The following ITPR1 variants were observed in gnomAD, a reference collection of about 807,000 sequenced individuals.
ITPR1 encodes the protein inositol 1,4,5-trisphosphate-gated calcium channel ITPR1.
Under a neutral mutation model 318.4 loss-of-function variants are expected in ITPR1, and 96 were observed. That is an observed-to-expected ratio of 0.30 (90% CI 0.26 to 0.36). The LOEUF is 0.36. Among genes scored for constraint, ITPR1 ranks in the 10% least tolerant of loss-of-function variants. The pLI, the probability that ITPR1 is intolerant of heterozygous loss-of-function variation, is 1.00. For missense variants in ITPR1, 2,440 were observed against 3,460.2 expected, an observed-to-expected ratio of 0.71 and a Z score of 7.40; for synonymous variants, 1,312 against 1,289.9, an observed-to-expected ratio of 1.02 and a Z score of -0.37.
chr3:4,700,346 A>C (rs7652028), intron 35 of ITPR1, among the ~76,000 whole-genome samples: 2 of 152,064 alleles, frequency 1.3e-5, no homozygotes, highest in Non-Finnish European at 2.9e-5. Flanking sequence ...TATGCCTTAC[A>C]TGCATGGTCA....
chr3:4,842,609 C>G (rs775947719), intron 61 of ITPR1, among the ~76,000 whole-genome samples: 11 of 152,210 alleles, frequency 7.2e-5, no homozygotes, highest in Non-Finnish European at 1.5e-4. Context: ...CTCAAGTGAT[C>G]TGCCTCCCAA....
chr3:4,812,794 A>G (rs2049025118), intron 56 of ITPR1, among the ~76,000 whole-genome samples: 1 of 152,190 alleles, frequency 6.6e-6, no homozygotes, highest in African/African-American at 2.4e-5. Context: ...TTGGATTTCT[A>G]TTAATGCCTG....
chr3:4,587,461 G>A (rs554006041), intron 4 of ITPR1, among the ~76,000 whole-genome samples: 1 of 152,212 alleles, frequency 6.6e-6, no homozygotes, highest in South Asian at 2.1e-4. Context: ...AGTAGAGACA[G>A]GGTTTCACCA....
intron 37 of ITPR1, among the ~76,000 whole-genome samples, chr3:4,708,695 C>T (rs1023555879): frequency 5.9e-5 from 9 of 152,168 alleles, no homozygotes; most frequent in African/African-American, 1.7e-4. Context: ...AAATGAAACG[C>T]GTAGGTGGGC....
At chr3:4,814,626 A>G in intron 58 of ITPR1, 64 bp downstream of exon 58, 1 of 1,411,360 alleles carries the variant, frequency 7.1e-7, no homozygotes, top group African/African-American at 1.4e-5. Context: ...TGGGAGCACC[A>G]TGCAGCGGTG....
At chr3:4,520,900 C>T in intron 3 of ITPR1, 124 bp from the exon 4 acceptor site, 1 of 736,334 alleles carries the variant, frequency 1.4e-6, no homozygotes, top group Non-Finnish European at 2.4e-6. Context: ...TAAAGAGTTC[C>T]TGGCAGGAGA....
rs1559682389 is a variant in ITPR1 at position 4,681,410 on chromosome 3, T to C, written c.3153T>C (p.Phe1051=). Residue 1051 remains phenylalanine, a synonymous_variant, in exon 26 of 62, where the codon TTT becomes TTC. Coordinates refer to ENST00000649015, the MANE Select transcript of ITPR1 (RefSeq NM_001378452.1). ...EHIEEQAEGI[F]GGSEENTPLD... ...TTGAAGAACAAGCAGAAGGCATCTT[T>C]GGAGGAAGGAAAGTATATTTTCAGT... is the stretch of plus-strand genomic sequence containing the variant. 1.2e-6 allele frequency: 2 copies of C among 1,611,520 alleles called. No individual in the cohort carries two copies. Among genetic ancestry groups the C allele is most frequent in the Non-Finnish European group, 1.7e-6 (2 of 1,177,888 alleles).
Position 4,652,125 on chromosome 3 carries a change from G to T in ITPR1, c.858G>T (p.Val286=), listed in dbSNP as rs2093610546. The T allele has an allele frequency of 1.2e-6, 2 of 1,610,478 alleles. No homozygotes were observed. Among genetic ancestry groups the T allele is most frequent in the Non-Finnish European group, 1.7e-6 (2 of 1,178,166 alleles). ...TSSKALWEVE[V]VQHDPCRGGA... Reference sequence around the variant, plus strand: ...ACTCCTGTTGATCATTCTTGCAGGTGGTCCAGCATGACCCATGTCGGGGCG... The same window carrying T: ...ACTCCTGTTGATCATTCTTGCAGGTTGTCCAGCATGACCCATGTCGGGGCG... The change falls in exon 11 of 62, where the codon GTG becomes GTT. Residue 286 remains valine (V), a splice_region_variant and synonymous_variant. Transcript: ENST00000649015.
chr3:4,632,569 T>C (rs2093046780), intron 5 of ITPR1, among the ~76,000 whole-genome samples: 1 of 152,214 alleles, frequency 6.6e-6, no homozygotes, highest in Non-Finnish European at 1.5e-5. Flanking sequence ...GCTTTTAGTG[T>C]AGTATCTCAA....
intron 4 of ITPR1, among the ~76,000 whole-genome samples, chr3:4,589,887 C>T (rs2090242654): frequency 6.6e-6 from 1 of 152,116 alleles, no homozygotes; most frequent in Admixed American, 6.5e-5. Flanking sequence ...AAGACCAGGC[C>T]CCTGCCTGCC....
chr3:4,590,151 C>A (rs1395970578), intron 4 of ITPR1, among the ~76,000 whole-genome samples: 1 of 150,796 alleles, frequency 6.6e-6, no homozygotes, highest in African/African-American at 2.4e-5. Flanking sequence ...TGCTTCCCCC[C>A]TTTGTGTCTC....
At chr3:4,549,157 C>G (rs903615056) in intron 4 of ITPR1, among the ~76,000 whole-genome samples, 1 of 152,166 alleles carries the variant, frequency 6.6e-6, no homozygotes, top group Non-Finnish European at 1.5e-5. Context: ...AAAGAAACTT[C>G]TAAATACCAA....
chr3:4,514,585 A>G (rs1393235551), intron 2 of ITPR1, among the ~76,000 whole-genome samples: 3 of 152,202 alleles, frequency 2.0e-5, no homozygotes, highest in African/African-American at 7.2e-5. Flanking sequence ...TGATCCTGAA[A>G]GGAGAGCCTT....
intron 33 of ITPR1, among the ~76,000 whole-genome samples, chr3:4,694,312 A>G (rs927029386): frequency 2.9e-5 from 4 of 136,096 alleles, no homozygotes; most frequent in African/African-American, 1.4e-4. Context: ...TATATAAAGT[A>G]TATTATAAAG....
rs150075658 is a variant in ITPR1, at chr3:4,754,000, G to T, written c.5545-12530G>T. Among the ~76,000 whole-genome samples the T allele has an allele frequency of 9.0e-3, 1,296 of 143,848 alleles. 6 individuals are homozygous for T. The highest frequency in any genetic ancestry group is 0.014 in the Middle Eastern group (4 of 286). 94.4% of individuals were successfully genotyped at this position (143,848 alleles called of 152,430 possible). ...TGTTTCTACCTTGCTAAAGATGCAGGATAGAGATCGCTTTCACTGAGCCGT... is the reference window on the plus strand; with the variant it reads ...TGTTTCTACCTTGCTAAAGATGCAGTATAGAGATCGCTTTCACTGAGCCGT... On this transcript the variant is annotated intron_variant, in intron 44 of 61. Coordinates refer to ENST00000649015, the MANE Select transcript of ITPR1 (RefSeq NM_001378452.1).
intron 52 of ITPR1, among the ~76,000 whole-genome samples, chr3:4,789,334 G>C (rs529923957): frequency 4.9e-4 from 74 of 152,306 alleles, no homozygotes; most frequent in African/African-American, 1.7e-3. Flanking sequence ...CCTGGTATCA[G>C]AGTGTCCTCA....
At chr3:4,775,507 C>T in intron 47 of ITPR1, 65 bp downstream of exon 47, 1 of 1,262,648 alleles carries the variant, frequency 7.9e-7, no homozygotes, top group Non-Finnish European at 1.1e-6. Context: ...TTGATAGAGA[C>T]TAGTTCAGAA....
chr3:4,527,875 T>C (rs986229202), intron 4 of ITPR1, among the ~76,000 whole-genome samples: 7 of 152,066 alleles, frequency 4.6e-5, no homozygotes, highest in African/African-American at 1.4e-4. Flanking sequence ...TGCTGGTGGA[T>C]TTAGTAGGAT....
intron 4 of ITPR1, among the ~76,000 whole-genome samples, chr3:4,601,322 C>A (rs1187697027): frequency 6.6e-6 from 1 of 151,366 alleles, no homozygotes; most frequent in East Asian, 1.9e-4. Flanking sequence ...AGTTCGAACC[C>A]AGCCTGGGCA....
Sources: allele counts gnomAD v4.1 joint callset (sites outside exome capture counted in the v4.1 genomes callset), GRCh38; gene constraint gnomAD v4.1.1; transcripts MANE v1.5; gene names NCBI Gene and HGNC (gene_info 2026-07-23, HGNC 2026-07-21).